The following DNM3 variants were observed in gnomAD, a reference collection of about 807,000 sequenced individuals.
DNM3 encodes dynamin-3.
A neutral mutation model predicts 101.6 loss-of-function variants in DNM3; 47 were observed. The observed-to-expected ratio is 0.46, with a 90% CI of 0.37 to 0.59. The LOEUF (loss-of-function observed/expected upper bound fraction) is 0.59, where lower values mean the gene tolerates loss of function less well. Among genes scored for constraint, DNM3 ranks in the 20% least tolerant of loss-of-function variants. The pLI is 0.00. For missense variants in DNM3, 849 were observed against 1,085.7 expected, an observed-to-expected ratio of 0.78 and a Z score of 3.06; for synonymous variants, 385 against 387.9, an observed-to-expected ratio of 0.99 and a Z score of 0.09.
chr1:172,317,735 T>A (rs1219318648), intron 16 of DNM3, among the ~76,000 whole-genome samples: 3 of 152,310 alleles, frequency 2.0e-5, no homozygotes, highest in East Asian at 1.9e-4. Context: ...TCTGAAATTG[T>A]GGCAATAATC....
intron 14 of DNM3, among the ~76,000 whole-genome samples, chr1:172,196,626 G>T (rs1435511863): frequency 1.3e-5 from 2 of 152,058 alleles, no homozygotes; most frequent in African/African-American, 4.8e-5. Flanking sequence ...TTATCTCATT[G>T]TGATTTTGAT....
intron 1 of DNM3, among the ~76,000 whole-genome samples, chr1:171,918,562 A>C (rs1160094558): frequency 1.3e-5 from 2 of 152,218 alleles, no homozygotes; most frequent in Non-Finnish European, 2.9e-5. Flanking sequence ...TACTTCAGAG[A>C]TGCCTGTGAA....
rs554904405 is a variant in DNM3, at chr1:172,387,422, C to G, written c.2285+63C>G. On this transcript the variant is annotated intron_variant, in intron 19 of 20. Coordinates refer to ENST00000627582, the MANE Select transcript of DNM3 (RefSeq NM_015569.5). ...CCTGTAATCCCAGCACTTTGAGAGG[C>G]CGAGGCGGGCGGATCACGAGGTCAG... 1.9e-4 allele frequency: 261 copies of G among 1,383,462 alleles called. No homozygotes were observed. In the African/African-American group the frequency reaches 3.5e-3, roughly 19 times the overall value. 85.7% of individuals were successfully genotyped at this position (1,383,462 alleles called of 1,614,324 possible).
intron 17 of DNM3, among the ~76,000 whole-genome samples, chr1:172,331,450 A>G (rs1270667288): frequency 6.6e-6 from 1 of 152,178 alleles, no homozygotes; most frequent in African/African-American, 2.4e-5. Flanking sequence ...CTTAATGTTG[A>G]AAAAGCATGA....
intron 15 of DNM3, among the ~76,000 whole-genome samples, chr1:172,286,503 T>C (rs1028687892): frequency 6.6e-6 from 1 of 152,248 alleles, no homozygotes; most frequent in Admixed American, 6.5e-5. Flanking sequence ...ACATGACCTG[T>C]GGCTGTTTGG....
chr1:172,180,012 G>A (rs547178486), intron 14 of DNM3, among the ~76,000 whole-genome samples: 5 of 151,960 alleles, frequency 3.3e-5, no homozygotes, highest in African/African-American at 9.6e-5. Context: ...ATATCATACC[G>A]TGTCTCTGAG....
chr1:171,963,895 A>G (rs1205173929), intron 2 of DNM3, among the ~76,000 whole-genome samples: 2 of 151,986 alleles, frequency 1.3e-5, no homozygotes, highest in Non-Finnish European at 2.9e-5. Context: ...TCTCTTGTCA[A>G]AGGCATTCAA....
intron 14 of DNM3, among the ~76,000 whole-genome samples, chr1:172,170,327 G>A (rs1017190443): frequency 2.0e-5 from 3 of 151,788 alleles, no homozygotes; most frequent in Admixed American, 6.6e-5. Flanking sequence ...GCTAATAAAT[G>A]GAGAAGCTGC....
At chr1:172,113,636 A>AC (rs1276625064) in intron 13 of DNM3, among the ~76,000 whole-genome samples, 4 of 151,204 alleles carry the variant, frequency 2.6e-5, no homozygotes, top group African/African-American at 7.3e-5. Context: ...AAAAAAAAAA[A>AC]AAAAAAAACA....
chr1:172,152,624 C>T (rs1227020312), intron 14 of DNM3, among the ~76,000 whole-genome samples: 1 of 152,100 alleles, frequency 6.6e-6, no homozygotes, highest in Non-Finnish European at 1.5e-5. Flanking sequence ...ATGAATGCCA[C>T]TTCTGTTGCA....
chr1:172,241,069 T>A (rs1407673494), intron 14 of DNM3, among the ~76,000 whole-genome samples: 3 of 152,182 alleles, frequency 2.0e-5, no homozygotes, highest in African/African-American at 7.2e-5. Flanking sequence ...TTGTAAAAGT[T>A]TATGAACATG....
At chr1:171,870,147 G>A (rs988648576) in intron 1 of DNM3, among the ~76,000 whole-genome samples, 2 of 152,080 alleles carry the variant, frequency 1.3e-5, no homozygotes, top group East Asian at 1.9e-4. Flanking sequence ...ATACTAGCAC[G>A]TTTGCTATTA....
At chr1:171,876,853 G>T (rs2035833461) in intron 1 of DNM3, among the ~76,000 whole-genome samples, 1 of 152,260 alleles carries the variant, frequency 6.6e-6, no homozygotes, top group South Asian at 2.1e-4. Flanking sequence ...CTATTTGGGG[G>T]CATTTCTTTT....
chr1:172,077,309 T>C (rs1305315150), intron 11 of DNM3, among the ~76,000 whole-genome samples: 1 of 152,212 alleles, frequency 6.6e-6, no homozygotes, highest in Non-Finnish European at 1.5e-5. Context: ...TTCGTGTCTC[T>C]GTCTCCTTCA....
chr1:172,063,952 C>T (rs978620689), intron 10 of DNM3, among the ~76,000 whole-genome samples: 1 of 151,886 alleles, frequency 6.6e-6, no homozygotes, highest in African/African-American at 2.4e-5. Context: ...TTCATATTTC[C>T]CATTGGTTTT....
At chr1:171,851,210 T>G (rs113763508) in intron 1 of DNM3, among the ~76,000 whole-genome samples, 2,995 of 152,298 alleles carry the variant, frequency 0.02, 98 homozygotes, top group African/African-American at 0.067. Context: ...GGTTGCCTCC[T>G]CTGTCTGCTC....
At chr1:172,015,773 T>C (rs1222604151) in intron 4 of DNM3, among the ~76,000 whole-genome samples, 1 of 152,208 alleles carries the variant, frequency 6.6e-6, no homozygotes, top group Non-Finnish European at 1.5e-5. Context: ...TTTTCTTTTC[T>C]TATTGCATTA....
intron 14 of DNM3, among the ~76,000 whole-genome samples, chr1:172,163,993 C>A (rs1025529430): frequency 2.2e-4 from 33 of 150,250 alleles, no homozygotes; most frequent in African/African-American, 8.1e-4. Flanking sequence ...ACACATCTCA[C>A]ATTTTTTTTT....
chr1:172,200,673 T>G (rs1007540989), intron 14 of DNM3, among the ~76,000 whole-genome samples: 1 of 152,184 alleles, frequency 6.6e-6, no homozygotes, highest in Non-Finnish European at 1.5e-5. Context: ...TCTGAGATAC[T>G]TTTCTCAGCT....
Sources: gnomAD v4.1 joint callset for allele counts (sites outside exome capture counted in the v4.1 genomes callset) on GRCh38, gnomAD v4.1.1 for gene constraint, MANE v1.5 for transcripts, NCBI Gene and HGNC (gene_info 2026-07-23, HGNC 2026-07-21) for gene names.